USP34: variants seen among roughly 807,000 people sequenced by gnomAD.
The protein encoded by USP34 is ubiquitin specific peptidase 34.
A neutral mutation model predicts 460.3 loss-of-function variants in USP34; 70 were observed. The observed-to-expected ratio is 0.15, with a 90% confidence interval of 0.13 to 0.19. The LOEUF is 0.19. Among genes scored for constraint, USP34 ranks in the 10% least tolerant of loss-of-function variants. The pLI, the probability that USP34 is intolerant of heterozygous loss-of-function variation, is 1.00. For missense variants in USP34, 3,985 were observed against 4,236.2 expected, an observed-to-expected ratio of 0.94 and a Z score of 1.65; for synonymous variants, 1,647 against 1,405.3, an observed-to-expected ratio of 1.17 and a Z score of -3.85.
At chr2:61,344,931 T>C (rs546877875) in intron 15 of USP34, among the ~76,000 whole-genome samples, 3 of 152,232 alleles carry the variant, frequency 2.0e-5, no homozygotes, top group East Asian at 3.9e-4. Flanking sequence ...CATTCTGCAA[T>C]GCACAGGGCA....
chr2:61,362,561 AAGAG>A (rs1479811696), intron 10 of USP34, among the ~76,000 whole-genome samples: 1 of 152,218 alleles, frequency 6.6e-6, no homozygotes, highest in Non-Finnish European at 1.5e-5. Context: ...AAACCAGACA[AAGAG>A]AGATAAATGC....
rs562277761 is a variant in USP34 at position 61,238,264 on chromosome 2, C to T, written c.6778-1875G>A. On this transcript the variant is annotated intron_variant, in intron 53 of 79. Coordinates refer to ENST00000398571, the MANE Select transcript of USP34 (RefSeq NM_014709.4). ...GCCACTTTTCCTTGAACTTCCATCA[C>T]AGCCATACAGGTCACTTTTTGGCTT... 3.9e-5 allele frequency among the ~76,000 whole-genome samples: 6 copies of T among 152,286 alleles called. No homozygotes were observed. In the South Asian group the frequency reaches 6.2e-4, roughly 16 times the overall value.
At chr2:61,410,280 C>A (rs1384176794) in intron 2 of USP34, among the ~76,000 whole-genome samples, 1 of 152,160 alleles carries the variant, frequency 6.6e-6, no homozygotes, top group Non-Finnish European at 1.5e-5. Flanking sequence ...GATAGATCAT[C>A]AAGCATTATA....
chr2:61,199,715 C>T (rs1292637327), intron 75 of USP34, among the ~76,000 whole-genome samples: 1 of 152,208 alleles, frequency 6.6e-6, no homozygotes, highest in Non-Finnish European at 1.5e-5. Flanking sequence ...ACCAAGTCCT[C>T]ATGTATCTTT....
intron 68 of USP34, 121 bp downstream of exon 68, chr2:61,213,939 T>A (rs965348101): frequency 8.3e-7 from 1 of 1,199,950 alleles, no homozygotes; most frequent in South Asian, 1.6e-5. Flanking sequence ...AAATACACAT[T>A]AAGTTCTTAA....
chr2:61,258,987 C>T (rs1160888731), intron 44 of USP34, among the ~76,000 whole-genome samples: 2 of 152,226 alleles, frequency 1.3e-5, no homozygotes, highest in Admixed American at 6.5e-5. Context: ...GCTCCGGGCA[C>T]GGTGGCTCAC....
rs781723283 is a variant in USP34, at chr2:61,348,198, T to G, written c.1957A>C (p.Ile653Leu). The part of the protein sequence containing the change: ...RNRKLESQAG[I>L]CLGDSQGMSE... ...ATGCCTTGGGAGTCCCCCAGGCAAA[T>G]GCCTGCTTGACTCTCTAACTTTCTA... Residue 653 changes from isoleucine (I) to leucine (L), a missense_variant, in exon 15 of 80, where the codon ATT (isoleucine) becomes CTT (leucine). Ile to Leu is a conservative substitution (Grantham distance 5). Coordinates refer to ENST00000398571, the MANE Select transcript of USP34 (RefSeq NM_014709.4). 2 of 1,614,218 alleles carry G rather than the reference T, an allele frequency of 1.2e-6. No individual in the cohort carries two copies. Among genetic ancestry groups the G allele is most frequent in the African/African-American group, 2.7e-5 (2 of 75,058 alleles).
At chr2:61,327,629 C>T (rs567099723) in intron 20 of USP34, among the ~76,000 whole-genome samples, 63 of 152,304 alleles carry the variant, frequency 4.1e-4, no homozygotes, top group African/African-American at 1.5e-3. Context: ...AATTCTTCCC[C>T]TATACTTGCA....
intron 4 of USP34, 44 bp from the exon 5 acceptor site, chr2:61,395,046 A>G (rs1276561480): frequency 6.5e-7 from 1 of 1,543,604 alleles, no homozygotes; most frequent in Non-Finnish European, 8.7e-7. Context: ...AAACGTACAA[A>G]TAATTTTTAT....
rs775723756 is a variant in USP34 at position 61,188,072 on chromosome 2, G to GACTT, written c.*26_*29dup. 24 of 1,586,712 alleles carry GACTT rather than the reference G, an allele frequency of 1.5e-5. No homozygotes were observed. In the East Asian group the frequency reaches 2.2e-4, roughly 15 times the overall value. On this transcript the variant is annotated 3_prime_UTR_variant, in exon 80 of 80. Transcript: ENST00000398571. ...AACAGCATGGGGGTTGGGGGTGAGG[G>GACTT]ACTTAAAAGTAGACATGCTACACCT... is the stretch of plus-strand genomic sequence containing the variant.
chr2:61,433,634 AAAAACTATAAAT>A (rs1184085304), intron 1 of USP34, among the ~76,000 whole-genome samples: 1 of 152,108 alleles, frequency 6.6e-6, no homozygotes, highest in Admixed American at 6.5e-5. Flanking sequence ...ACTCCATCTC[AAAAACTATAAAT>A]AAAATAAAAA....
intron 15 of USP34, among the ~76,000 whole-genome samples, chr2:61,347,318 G>A (rs1691802012): frequency 6.6e-6 from 1 of 152,142 alleles, no homozygotes; most frequent in Admixed American, 6.5e-5. Flanking sequence ...TGTGTAAATG[G>A]CATTGTGGAT....
At chr2:61,457,869 A>G (rs1010055117) in intron 1 of USP34, among the ~76,000 whole-genome samples, 3 of 152,192 alleles carry the variant, frequency 2.0e-5, no homozygotes, top group Non-Finnish European at 4.4e-5. Flanking sequence ...AGCAGCAGCA[A>G]CAACAAAAAG....
intron 29 of USP34, among the ~76,000 whole-genome samples, chr2:61,299,074 C>T (rs1335874637): frequency 6.6e-6 from 1 of 151,886 alleles, no homozygotes; most frequent in Non-Finnish European, 1.5e-5. Context: ...GTTTCATGGG[C>T]ACCTATTAAT....
intron 3 of USP34, among the ~76,000 whole-genome samples, chr2:61,403,127 T>C (rs55902012): frequency 0.14 from 20,925 of 152,166 alleles, 1,724 homozygotes; most frequent in South Asian, 0.37. Context: ...TGGGTATTTT[T>C]TGTCAGAATT....
intron 10 of USP34, among the ~76,000 whole-genome samples, chr2:61,354,826 G>A (rs1323696495): frequency 6.6e-6 from 1 of 152,176 alleles, no homozygotes; most frequent in Non-Finnish European, 1.5e-5. Context: ...TCACACTGAG[G>A]CAGACCCTTG....
intron 8 of USP34, among the ~76,000 whole-genome samples, chr2:61,376,328 T>C (rs1314483505): frequency 6.6e-6 from 1 of 152,234 alleles, no homozygotes; most frequent in Admixed American, 6.5e-5. Context: ...CCTTGCCATC[T>C]TGAACTCTTT....
At chr2:61,338,420 G>A (rs144377046) in intron 18 of USP34, among the ~76,000 whole-genome samples, 301 of 152,262 alleles carry the variant, frequency 2.0e-3, no homozygotes, top group African/African-American at 6.9e-3. Context: ...TTTTTCTACT[G>A]TAACTGCTCA....
rs370962883 is a variant in USP34, at chr2:61,366,788, C to G, written c.1251+3533G>C. Among the ~76,000 whole-genome samples the G allele has an allele frequency of 1.4e-4, 21 of 152,242 alleles. No homozygotes were observed. The East Asian group carries it at 3.7e-3, about 27-fold the overall frequency. On this transcript the variant is annotated intron_variant, in intron 10 of 79. Transcript: ENST00000398571. ...TGTGGCCGGGTGTGGTGGCTCACAGCTATAACCCCTGCACTTTGGGAGTGC... is the reference window on the plus strand; with the variant it reads ...TGTGGCCGGGTGTGGTGGCTCACAGGTATAACCCCTGCACTTTGGGAGTGC...
Sources: allele counts gnomAD v4.1 joint callset (sites outside exome capture counted in the v4.1 genomes callset), GRCh38; gene constraint gnomAD v4.1.1; transcripts MANE v1.5; gene names NCBI Gene and HGNC (gene_info 2026-07-23, HGNC 2026-07-21).